The following ROCK2 variants were observed in gnomAD, a reference collection of about 807,000 sequenced individuals.
ROCK2 encodes the protein rho-associated protein kinase 2.
Under a neutral mutation model 195.1 loss-of-function variants are expected in ROCK2, and 61 were observed. The observed-to-expected ratio is 0.31, with a 90% confidence interval of 0.25 to 0.39. The LOEUF (loss-of-function observed/expected upper bound fraction) is 0.39, where lower values mean the gene tolerates loss of function less well. Among genes scored for constraint, ROCK2 ranks in the 10% least tolerant of loss-of-function variants. The probability of loss-of-function intolerance (pLI) is 1.00; values close to 1 mark genes in which losing one functional copy is unlikely to be tolerated. For missense variants in ROCK2, 1,109 were observed against 1,637.4 expected (o/e 0.68, Z 5.57); for synonymous variants, 504 against 545.5 (o/e 0.92, Z 1.06).
chr2:11,321,814 AATAG>A (rs1166915925), intron 1 of ROCK2, among the ~76,000 whole-genome samples: 2 of 152,290 alleles, frequency 1.3e-5, no homozygotes, highest in African/African-American at 2.4e-5. Context: ...TAGGTTTAAA[AATAG>A]ATAAATAGAT....
chr2:11,308,832 A>T (rs10205944), intron 1 of ROCK2: 1,378,651 of 1,608,354 alleles, frequency 0.86, 595,875 homozygotes, highest in East Asian at 0.94. Context: ...CTTGGGCCAA[A>T]TGTAATAGAA....
intron 1 of ROCK2, among the ~76,000 whole-genome samples, chr2:11,323,725 G>A (rs183051168): frequency 2.6e-5 from 4 of 152,170 alleles, no homozygotes; most frequent in Admixed American, 2.6e-4. Context: ...AAAACTGAAA[G>A]GTACAGAGAT....
At chr2:11,304,496 C>T (rs548468631) in intron 1 of ROCK2, among the ~76,000 whole-genome samples, 34 of 152,320 alleles carry the variant, frequency 2.2e-4, no homozygotes, top group Non-Finnish European at 4.6e-4. Context: ...AAATCACCAA[C>T]ATTTTGCTGG....
Position 11,324,726 on chromosome 2 carries a change from C to T in ROCK2, c.141+19270G>A, listed in dbSNP as rs539165519. Among the ~76,000 whole-genome samples, 16 of 152,316 alleles carry T rather than the reference C, an allele frequency of 1.1e-4. No individual in the cohort carries two copies. In the South Asian group the frequency reaches 2.9e-3, roughly 28 times the overall value. Reference sequence around the variant, plus strand: ...GGCACTGGAAAAATGACACAGAAATCTAACAAGTTAGTAAAGCACAGTGCC... The same window carrying T: ...GGCACTGGAAAAATGACACAGAAATTTAACAAGTTAGTAAAGCACAGTGCC... On this transcript the variant is annotated intron_variant, in intron 1 of 32. Coordinates refer to ENST00000315872, the MANE Select transcript of ROCK2 (RefSeq NM_004850.5).
chr2:11,336,760 A>G (rs1469206263), intron 1 of ROCK2, among the ~76,000 whole-genome samples: 2 of 151,542 alleles, frequency 1.3e-5, no homozygotes, highest in African/African-American at 2.4e-5. Flanking sequence ...TTATGTGGAG[A>G]AAAAAAATTA....
chr2:11,227,175 C>T, intron 6 of ROCK2, 79 bp downstream of exon 6: 3 of 1,333,040 alleles, frequency 2.3e-6, no homozygotes, highest in Non-Finnish European at 3.1e-6. Flanking sequence ...CAATTAATTT[C>T]CTTATATTCT....
At chr2:11,338,179 G>A (rs1314033636) in intron 1 of ROCK2, among the ~76,000 whole-genome samples, 1 of 151,876 alleles carries the variant, frequency 6.6e-6, no homozygotes, top group Non-Finnish European at 1.5e-5. Flanking sequence ...CCCCATTTCT[G>A]CAAAAATAAA....
At chr2:11,316,687 T>C (rs903180937) in intron 1 of ROCK2, among the ~76,000 whole-genome samples, 1 of 152,138 alleles carries the variant, frequency 6.6e-6, no homozygotes, top group East Asian at 1.9e-4. Flanking sequence ...TTACAAAAAG[T>C]AAATTTCTTT....
intron 1 of ROCK2, among the ~76,000 whole-genome samples, chr2:11,324,756 A>T (rs557021714): frequency 6.6e-6 from 1 of 152,388 alleles, no homozygotes; most frequent in South Asian, 2.1e-4. Flanking sequence ...AGTGCCTGGC[A>T]CATAGTAAGA....
chr2:11,285,203 G>T (rs745927434), intron 3 of ROCK2, among the ~76,000 whole-genome samples: 1 of 148,084 alleles, frequency 6.8e-6, no homozygotes, highest in Non-Finnish European at 1.5e-5. Flanking sequence ...TGGAGGTTAC[G>T]GTGAGCCGAG....
At chr2:11,314,751 A>G (rs1033076009) in intron 1 of ROCK2, among the ~76,000 whole-genome samples, 1 of 152,030 alleles carries the variant, frequency 6.6e-6, no homozygotes, top group Non-Finnish European at 1.5e-5. Flanking sequence ...TGATAAAGCC[A>G]GGCAAATATG....
chr2:11,260,054 T>C (rs943652583), intron 3 of ROCK2, among the ~76,000 whole-genome samples: 24 of 151,528 alleles, frequency 1.6e-4, no homozygotes, highest in African/African-American at 5.9e-4. Context: ...GCAGATAGAC[T>C]AGATTTTCAA....
chr2:11,179,808 G>A lies in ROCK2; in HGVS notation c.*3629C>T, dbSNP rs1326232744. 6.6e-6 allele frequency: 1 copy of A among 151,986 alleles called. No individual in the cohort carries two copies. Among genetic ancestry groups the A allele is most frequent in the Non-Finnish European group, 1.5e-5 (1 of 68,006 alleles). The allele number at this position is 151,986 out of a possible 1,614,324, so 9.4% of individuals were successfully genotyped here. A position where few individuals can be genotyped will look rare whatever the true frequency, so the allele number is the denominator to read the frequency against. On this transcript the variant is annotated 3_prime_UTR_variant, in exon 33 of 33. Transcript: ENST00000315872. ...TTTTATTTTATTTTTTTATAAAAAA[G>A]CAGGCATAAAATACAATTACATTAC... is the stretch of plus-strand genomic sequence containing the variant.
Position 11,197,559 on chromosome 2 carries a change from G to T in ROCK2, c.3246C>A (p.Ile1082=). 6.2e-7 allele frequency: 1 copy of T among 1,613,160 alleles called. No homozygotes were observed. Among genetic ancestry groups the T allele is most frequent in the Non-Finnish European group, 8.5e-7 (1 of 1,179,710 alleles). The change falls in exon 26 of 33, where the codon ATC becomes ATA. Residue 1082 remains isoleucine, a synonymous_variant. Coordinates refer to ENST00000315872, the MANE Select transcript of ROCK2 (RefSeq NM_004850.5). The surrounding 1 kb of genome is among the most constrained non-coding windows in gnomAD (Gnocchi z 4.9). Reference sequence around the variant, plus strand: ...TTTCATTCAGTTCTTTCTGATACTTGATCATCTGCTGGGTCAATTTCTCAC... The same window carrying T: ...TTTCATTCAGTTCTTTCTGATACTTTATCATCTGCTGGGTCAATTTCTCAC... ...SEREKLTQQM[I]KYQKELNEMQ...
chr2:11,204,004 C>T lies in ROCK2; in HGVS notation c.2550-1883G>A, dbSNP rs115429106. Among the ~76,000 whole-genome samples the T allele has an allele frequency of 3.0e-3, 463 of 152,132 alleles. 2 individuals are homozygous for T. Among genetic ancestry groups the T allele is most frequent in the African/African-American group, 9.9e-3 (412 of 41,506 alleles). ...AAGTAATTTTCAGAAAGTATTATTTCAGAAAGAACCATGTAATTACATGAT... is the reference window on the plus strand; with the variant it reads ...AAGTAATTTTCAGAAAGTATTATTTTAGAAAGAACCATGTAATTACATGAT... On this transcript the variant is annotated intron_variant, in intron 20 of 32. Coordinates refer to ENST00000315872, the MANE Select transcript of ROCK2 (RefSeq NM_004850.5).
At chr2:11,291,224 T>C (rs1263115171) in intron 1 of ROCK2, among the ~76,000 whole-genome samples, 2 of 152,252 alleles carry the variant, frequency 1.3e-5, no homozygotes, top group Non-Finnish European at 2.9e-5. Flanking sequence ...TTGAACTTGA[T>C]TTCACTTTCA....
intron 32 of ROCK2, among the ~76,000 whole-genome samples, chr2:11,183,862 A>G (rs775712407): frequency 9.9e-5 from 15 of 152,216 alleles, no homozygotes; most frequent in Non-Finnish European, 1.6e-4. Flanking sequence ...TTGTTTTTCT[A>G]TAAGATAGGA....
At chr2:11,340,362 G>T (rs1277029099) in intron 1 of ROCK2, among the ~76,000 whole-genome samples, 1 of 152,040 alleles carries the variant, frequency 6.6e-6, no homozygotes, top group Admixed American at 6.6e-5. Flanking sequence ...CCAAAAACTG[G>T]GTTTTTTATA....
At chr2:11,319,799 C>T (rs552385942) in intron 1 of ROCK2, among the ~76,000 whole-genome samples, 1 of 152,240 alleles carries the variant, frequency 6.6e-6, no homozygotes, top group African/African-American at 2.4e-5. Flanking sequence ...TTTCTAAACA[C>T]CTTATTTCCT....
Sources: gnomAD v4.1 joint callset for allele counts (sites outside exome capture counted in the v4.1 genomes callset) on GRCh38, gnomAD v4.1.1 for gene constraint, Gnocchi (gnomAD v3.1) non-coding constraint, MANE v1.5 for transcripts, NCBI Gene and HGNC (gene_info 2026-07-23, HGNC 2026-07-21) for gene names.